ST8SIA4: variants seen among roughly 807,000 people sequenced by gnomAD.
ST8SIA4 encodes ST8 alpha-N-acetyl-neuraminide alpha-2,8-sialyltransferase 4.
ST8SIA4 carries 15 observed loss-of-function variants against 33.9 expected under a neutral mutation model. The ratio of observed to expected loss-of-function variants is 0.44; its 90% confidence interval spans 0.30 to 0.68. The LOEUF is 0.68. ST8SIA4 is among the 30% of genes least tolerant of loss of function. The pLI is 0.10. For missense variants in ST8SIA4, 321 were observed against 428.0 expected, an observed-to-expected ratio of 0.75 and a Z score of 2.21; for synonymous variants, 171 against 151.2, an observed-to-expected ratio of 1.13 and a Z score of -0.96.
At chr5:100,816,974 G>A (rs1328790387) in intron 4 of ST8SIA4, among the ~76,000 whole-genome samples, 3 of 147,848 alleles carry the variant, frequency 2.0e-5, no homozygotes, top group Non-Finnish European at 4.5e-5. Flanking sequence ...TCACTCTGTC[G>A]CTGTGTCACC....
intron 4 of ST8SIA4, among the ~76,000 whole-genome samples, chr5:100,826,516 G>A (rs1751147798): frequency 6.6e-6 from 1 of 152,156 alleles, no homozygotes; most frequent in African/African-American, 2.4e-5. Context: ...ACAGTGCAAT[G>A]AAGAAGTGAC....
chr5:100,816,222 T>C (rs1252610931), intron 4 of ST8SIA4, among the ~76,000 whole-genome samples: 1 of 152,192 alleles, frequency 6.6e-6, no homozygotes, highest in African/African-American at 2.4e-5. Flanking sequence ...TTGTAACACA[T>C]TGCAAAGAAA....
intron 4 of ST8SIA4, among the ~76,000 whole-genome samples, chr5:100,834,491 T>C (rs537368576): frequency 5.2e-4 from 79 of 152,294 alleles, no homozygotes; most frequent in African/African-American, 1.8e-3. Context: ...TCTAAAGCTT[T>C]AATATTGTTT....
Position 100,816,685 on chromosome 5 carries a change from T to C in ST8SIA4, c.798-4556A>G, listed in dbSNP as rs1191630699. On this transcript the variant is annotated intron_variant, in intron 4 of 4. Transcript: ENST00000231461. ...TGTGCCAACAGTTGTAATTTAATGT[T>C]ATATTATAAGCAAAGTTTCCATTAA... is the stretch of plus-strand genomic sequence containing the variant. 8.7e-6 allele frequency: 4 copies of C among 460,374 alleles called. No homozygotes were observed. The Admixed American group carries it at 9.1e-5, about 10-fold the overall frequency. 28.5% of individuals were successfully genotyped at this position (460,374 alleles called of 1,614,324 possible).
At chr5:100,864,670 C>T (rs1187678965) in intron 3 of ST8SIA4, among the ~76,000 whole-genome samples, 1 of 150,610 alleles carries the variant, frequency 6.6e-6, no homozygotes, top group Non-Finnish European at 1.5e-5. Flanking sequence ...TATCTTGTCT[C>T]GTTCATTACT....
chr5:100,850,910 A>T (rs1751681962), intron 4 of ST8SIA4, among the ~76,000 whole-genome samples: 1 of 149,888 alleles, frequency 6.7e-6, no homozygotes, highest in Non-Finnish European at 1.5e-5. Context: ...ATATAAGACT[A>T]GTTTATATAT....
At chr5:100,859,218 A>T (rs1187363767) in intron 3 of ST8SIA4, among the ~76,000 whole-genome samples, 1 of 152,104 alleles carries the variant, frequency 6.6e-6, no homozygotes, top group African/African-American at 2.4e-5. Flanking sequence ...ATTTGCCATC[A>T]CAATTTTCAT....
chr5:100,868,346 T>C (rs535032765), intron 3 of ST8SIA4, among the ~76,000 whole-genome samples: 1 of 152,142 alleles, frequency 6.6e-6, no homozygotes, highest in Non-Finnish European at 1.5e-5. Flanking sequence ...CATATTTGTG[T>C]GCATGTGTAG....
Position 100,811,802 on chromosome 5 carries a change from G to T in ST8SIA4, c.*45C>A, listed in dbSNP as rs935417138. ...GGATCCTATTTTCAAATCTTCGGAA[G>T]CATCTTCAGAAAAGAAGTGCATATT... On this transcript the variant is annotated 3_prime_UTR_variant, in exon 5 of 5. Transcript: ENST00000231461. 6.5e-7 allele frequency: 1 copy of T among 1,539,286 alleles called. No homozygotes were observed. Among genetic ancestry groups the T allele is most frequent in the Non-Finnish European group, 8.7e-7 (1 of 1,143,278 alleles).
chr5:100,897,535 T>A (rs531333353), intron 1 of ST8SIA4, among the ~76,000 whole-genome samples: 3 of 152,180 alleles, frequency 2.0e-5, no homozygotes, highest in Non-Finnish European at 4.4e-5. Context: ...ATTTGCTCCA[T>A]AACAAAGTCT....
chr5:100,829,833 G>C lies in ST8SIA4; in HGVS notation c.798-17704C>G, dbSNP rs561005280. ...TGAGGCAGGAGAATGGCGTGAACCC[G>C]GGAGGCGGAGCTTGCAGTGAGCCGA... On this transcript the variant is annotated intron_variant, in intron 4 of 4. Coordinates refer to ENST00000231461, the MANE Select transcript of ST8SIA4 (RefSeq NM_005668.6). Among the ~76,000 whole-genome samples the C allele has an allele frequency of 2.0e-3, 311 of 151,826 alleles. 3 individuals are homozygous for C. The highest frequency in any genetic ancestry group is 7.2e-3 in the African/African-American group (298 of 41,372).
chr5:100,825,673 G>A (rs537346970), intron 4 of ST8SIA4, among the ~76,000 whole-genome samples: 8 of 152,222 alleles, frequency 5.3e-5, no homozygotes, highest in South Asian at 2.1e-4. Context: ...ATTAAGTGGC[G>A]TTTTAGGTCT....
intron 3 of ST8SIA4, chr5:100,885,504 G>A: frequency 1.1e-6 from 1 of 931,006 alleles, no homozygotes; most frequent in Non-Finnish European, 1.3e-6. Context: ...AAGAGACTGT[G>A]TTTTTCAACA....
At chr5:100,863,126 T>C (rs911966475) in intron 3 of ST8SIA4, among the ~76,000 whole-genome samples, 7 of 152,144 alleles carry the variant, frequency 4.6e-5, no homozygotes, top group African/African-American at 1.7e-4. Flanking sequence ...CTTGGGTGGA[T>C]AATCCCAGCA....
chr5:100,879,149 A>G (rs976049820), intron 3 of ST8SIA4, among the ~76,000 whole-genome samples: 1 of 152,178 alleles, frequency 6.6e-6, no homozygotes, highest in Non-Finnish European at 1.5e-5. Flanking sequence ...CTTCTTGGTA[A>G]GTCCAGAATA....
chr5:100,886,036 A>G, intron 3 of ST8SIA4: 1 of 1,088,366 alleles, frequency 9.2e-7, no homozygotes, highest in African/African-American at 1.7e-5. Context: ...AAGAAGAGAT[A>G]CTAAGAAAAA....
chr5:100,856,945 T>C (rs1383556878), intron 3 of ST8SIA4, among the ~76,000 whole-genome samples: 1 of 152,184 alleles, frequency 6.6e-6, no homozygotes, highest in Non-Finnish European at 1.5e-5. Context: ...TATTTACAAT[T>C]GCTTTCTATA....
At chr5:100,867,402 G>T (rs1055428268) in intron 3 of ST8SIA4, among the ~76,000 whole-genome samples, 1 of 152,018 alleles carries the variant, frequency 6.6e-6, no homozygotes, top group South Asian at 2.1e-4. Context: ...ACAGAAGAAA[G>T]AACTGATTCA....
chr5:100,901,080 G>A (rs1450101849), intron 1 of ST8SIA4, among the ~76,000 whole-genome samples: 1 of 152,220 alleles, frequency 6.6e-6, no homozygotes, highest in Non-Finnish European at 1.5e-5. Flanking sequence ...CCCACCAGCC[G>A]GCAACGTCCA....
Sources: allele counts gnomAD v4.1 joint callset (sites outside exome capture counted in the v4.1 genomes callset), GRCh38; gene constraint gnomAD v4.1.1; transcripts MANE v1.5; gene names NCBI Gene and HGNC (gene_info 2026-07-23, HGNC 2026-07-21).